The following SNRNP200 variants were observed in gnomAD, a reference collection of about 807,000 sequenced individuals.
SNRNP200 encodes U5 small nuclear ribonucleoprotein 200 kDa helicase.
In SNRNP200, 66 loss-of-function variants were observed where a neutral mutation model predicts 255.2. The observed-to-expected ratio is 0.26, with a 90% CI of 0.21 to 0.32. The LOEUF is 0.32. Among genes scored for constraint, SNRNP200 ranks in the 10% least tolerant of loss-of-function variants. The pLI is 1.00. For missense variants in SNRNP200, 1,585 were observed against 2,749.8 expected, an observed-to-expected ratio of 0.58 and a Z score of 9.47; for synonymous variants, 939 against 1,027.8, an observed-to-expected ratio of 0.91 and a Z score of 1.65.
intron 35 of SNRNP200, among the ~76,000 whole-genome samples, chr2:96,280,331 T>C (rs1477612313): frequency 6.6e-6 from 1 of 151,914 alleles, no homozygotes; most frequent in South Asian, 2.1e-4. Context: ...AACCCATCTA[T>C]ACAAAAAAAA....
chr2:96,303,187 C>T lies in SNRNP200; in HGVS notation c.353G>A (p.Ser118Asn). 1 of 1,614,202 alleles carries T rather than the reference C, an allele frequency of 6.2e-7. No homozygotes were observed. The highest frequency in any genetic ancestry group is 8.5e-7 in the Non-Finnish European group (1 of 1,180,024). ...GTCCCCAAGAGCAGCCTGGATGAAG[C>T]TGAGTAGCACCTCATAGGTCTCCCG... ...ETRETYEVLL[S>N]FIQAALGDQP... Residue 118 changes from serine (S) to asparagine (N), a missense_variant, in exon 3 of 45, where the codon AGC becomes AAC. This residue lies in a region of SNRNP200 where 383 missense variants were observed against 645.3 expected (regional missense o/e 0.59). Transcript: ENST00000323853.
At chr2:96,293,968 T>C (rs1319325011) in intron 14 of SNRNP200, among the ~76,000 whole-genome samples, 1 of 152,066 alleles carries the variant, frequency 6.6e-6, no homozygotes, top group African/African-American at 2.4e-5. Flanking sequence ...AAAAAGGAGA[T>C]TGTATTCAGC....
At chr2:96,285,697 A>C (rs2063839863) in intron 29 of SNRNP200, among the ~76,000 whole-genome samples, 1 of 152,218 alleles carries the variant, frequency 6.6e-6, no homozygotes, top group Admixed American at 6.5e-5. Context: ...CTGCCCCTTC[A>C]ACACTCTCCT....
chr2:96,295,965 C>T (rs754034593), intron 13 of SNRNP200, among the ~76,000 whole-genome samples: 22 of 152,132 alleles, frequency 1.4e-4, no homozygotes, highest in Non-Finnish European at 2.4e-4. Flanking sequence ...GAAACCCTGT[C>T]TCTACAAAAA....
intron 13 of SNRNP200, among the ~76,000 whole-genome samples, chr2:96,296,200 C>T (rs545766926): frequency 6.6e-6 from 1 of 152,136 alleles, no homozygotes; most frequent in Non-Finnish European, 1.5e-5. Context: ...AGAAGACCTA[C>T]AATACACCAC....
chr2:96,279,221 G>A, intron 36 of SNRNP200: 1 of 645,506 alleles, frequency 1.5e-6, no homozygotes, highest in Non-Finnish European at 2.8e-6. Context: ...AAGGAGGAAG[G>A]AGAGAACCAA....
At chr2:96,298,145 T>A in intron 9 of SNRNP200, 139 bp downstream of exon 9, 1 of 1,213,908 alleles carries the variant, frequency 8.2e-7, no homozygotes, top group Non-Finnish European at 1.2e-6. Flanking sequence ...GATTCTAACC[T>A]GTATGCACTG....
At position 96,277,011 on chromosome 2, in the gene SNRNP200, G is replaced by C; in HGVS notation, c.6093-26C>G. On this transcript the variant is annotated intron_variant, in intron 42 of 44. Coordinates refer to ENST00000323853, the MANE Select transcript of SNRNP200 (RefSeq NM_014014.5). The surrounding 1 kb of genome is among the most constrained non-coding windows in gnomAD (Gnocchi z 4.4). ...CTGCAGGGGGAGAGGAGGGGCGCAC[G>C]TCAGTGATGGGGCAGTGGGCTCAGA... is the stretch of plus-strand genomic sequence containing the variant. The C allele has an allele frequency of 6.2e-7, 1 of 1,614,004 alleles. No individual in the cohort carries two copies. The highest frequency in any genetic ancestry group is 8.5e-7 in the Non-Finnish European group (1 of 1,179,916).
rs1457038563 is a variant in SNRNP200 at position 96,277,100 on chromosome 2, C to G, written c.6073G>C (p.Asp2025His). 2 of 1,614,226 alleles carry G rather than the reference C, an allele frequency of 1.2e-6. No individual in the cohort carries two copies. The highest frequency in any genetic ancestry group is 1.1e-5 in the South Asian group (1 of 91,082). ...GCTCACCTGCGGATGCTGTCCTTAT[C>G]TACCACCTCATAAGATAGTTCGATA... ...PNIELSYEVVDKDSIRSGGPV... is the reference protein window; with the variant it reads ...PNIELSYEVVHKDSIRSGGPV... Residue 2025 changes from aspartate to histidine, a missense_variant, in exon 42 of 45, where the codon GAT (aspartate) becomes CAT (histidine). Around this residue, in one of 9 missense-constraint regions of SNRNP200, gnomAD observed 279 missense variants for 551.2 expected, o/e 0.51. Coordinates refer to ENST00000323853, the MANE Select transcript of SNRNP200 (RefSeq NM_014014.5). The surrounding 1 kb of genome is among the most constrained non-coding windows in gnomAD (Gnocchi z 4.4).
chr2:96,291,923 T>C lies in SNRNP200; in HGVS notation c.2161-23A>G, dbSNP rs1398312999. ...CACCTAAGGAGAAGCCACAGTTTGC[T>C]ACAGTCACGAGATACTCACAGCCCC... On this transcript the variant is annotated intron_variant, in intron 16 of 44. Transcript: ENST00000323853. This position sits in a 1 kb window ranked among gnomAD's most constrained non-coding sequence, Gnocchi z 4.2. 6.2e-7 allele frequency: 1 copy of C among 1,612,794 alleles called. No individual in the cohort carries two copies. Among genetic ancestry groups the C allele is most frequent in the Non-Finnish European group, 8.5e-7 (1 of 1,179,984 alleles).
At chr2:96,305,194 C>G (rs1004399386) in intron 1 of SNRNP200, among the ~76,000 whole-genome samples, 199 bp downstream of exon 1, 3 of 152,098 alleles carry the variant, frequency 2.0e-5, no homozygotes, top group African/African-American at 7.2e-5. Flanking sequence ...TCGAGAAACT[C>G]CTCCTAGAGA....
rs755489084 is a variant in SNRNP200, at chr2:96,293,455, C to A, written c.1897G>T (p.Ala633Ser). The change falls in exon 15 of 45, where the codon GCC becomes TCC. Residue 633 changes from alanine to serine, a missense_variant. This residue lies in a region of SNRNP200 where 140 missense variants were observed against 274.9 expected (regional missense o/e 0.51). Coordinates refer to ENST00000323853, the MANE Select transcript of SNRNP200 (RefSeq NM_014014.5). Reference protein sequence around the residue: ...DRGPVLEALVARAIRNIEMTQ... With the variant: ...DRGPVLEALVSRAIRNIEMTQ... ...ATCTCAATGTTTCGGATGGCCCTGG[C>A]CACTAAAGCTTCTAAGACAGGACCT... is the stretch of plus-strand genomic sequence containing the variant. 1 of 1,612,956 alleles carries A rather than the reference C, an allele frequency of 6.2e-7. No homozygotes were observed. Among genetic ancestry groups the A allele is most frequent in the Admixed American group, 1.7e-5 (1 of 60,026 alleles).
intron 14 of SNRNP200, 74 bp downstream of exon 14, chr2:96,295,402 GCAGCAAAGAAAC>G: frequency 6.5e-7 from 1 of 1,544,088 alleles, no homozygotes; most frequent in Middle Eastern, 2.3e-4. Context: ...TACAGAAAAG[GCAGCAAAGAAAC>G]ATTTCGCATG....
intron 30 of SNRNP200, 98 bp from the exon 31 acceptor site, chr2:96,284,683 C>T: frequency 1.2e-6 from 1 of 821,916 alleles, no homozygotes; most frequent in Non-Finnish European, 2.1e-6. Flanking sequence ...ACCTGTTGAC[C>T]TGCAGATCTC....
At position 96,277,801 on chromosome 2, in the gene SNRNP200, C is replaced by T. The variant is rs1283218788; in HGVS notation, c.5754+6G>A. The T allele has an allele frequency of 6.2e-7, 1 of 1,614,138 alleles. No individual in the cohort carries two copies. Among genetic ancestry groups the T allele is most frequent in the African/African-American group, 1.3e-5 (1 of 74,944 alleles). The stretch of plus-strand genomic sequence containing the variant: ...CTGACCCCTCTGCCCCACACCCACA[C>T]TCTACCTTACTAAGGATTTCCTCCG... On this transcript the variant is annotated splice_donor_region_variant and intron_variant, in intron 40 of 44. Transcript: ENST00000323853. This position sits in a 1 kb window ranked among gnomAD's most constrained non-coding sequence, Gnocchi z 4.4.
chr2:96,275,246 G>A lies in SNRNP200; in HGVS notation c.6267+11C>T. 2 of 1,613,952 alleles carry A rather than the reference G, an allele frequency of 1.2e-6. No individual in the cohort carries two copies. Among genetic ancestry groups the A allele is most frequent in the Non-Finnish European group, 1.7e-6 (2 of 1,179,854 alleles). On this transcript the variant is annotated intron_variant, in intron 44 of 44. Transcript: ENST00000323853. The stretch of plus-strand genomic sequence containing the variant: ...GCCAGAACAAATGCTAGGGCCAGTG[G>A]ACACACTCACCTTGGCCTTCTGCTG...
chr2:96,279,129 AT>A, intron 36 of SNRNP200, 131 bp from the exon 37 acceptor site: 1 of 765,426 alleles, frequency 1.3e-6, no homozygotes, highest in South Asian at 1.5e-5. Context: ...GAAGCCACAC[AT>A]TTAGAAAGTG....
intron 9 of SNRNP200, 34 bp downstream of exon 9, chr2:96,298,250 A>G: frequency 6.2e-7 from 1 of 1,614,168 alleles, no homozygotes; most frequent in Non-Finnish European, 8.5e-7. Context: ...CCGTTAGCTC[A>G]GAAATCAGAC....
chr2:96,279,416 A>C, intron 36 of SNRNP200, 35 bp downstream of exon 36: 2 of 1,333,546 alleles, frequency 1.5e-6, no homozygotes, highest in Non-Finnish European at 2.2e-6. Context: ...TTCTGAGGCT[A>C]CGGATCCAAG....
Sources: allele counts gnomAD v4.1 joint callset (sites outside exome capture counted in the v4.1 genomes callset), GRCh38; gene constraint gnomAD v4.1.1; regional missense constraint gnomAD v4.1.1; non-coding constraint Gnocchi (gnomAD v3.1); transcripts MANE v1.5; gene names NCBI Gene and HGNC (gene_info 2026-07-23, HGNC 2026-07-21).